ZNRF2: variants seen among roughly 807,000 people sequenced by gnomAD.
ZNRF2 encodes E3 ubiquitin-protein ligase ZNRF2.
ZNRF2 carries 16 observed loss-of-function variants against 20.4 expected under a neutral mutation model. The observed-to-expected ratio is 0.79, with a 90% CI of 0.53 to 1.19. The LOEUF (loss-of-function observed/expected upper bound fraction) is 1.19. Ranked by LOEUF, ZNRF2 falls within the 50% of genes most tolerant of loss-of-function variation. ZNRF2 has a pLI of 0.00. For missense variants in ZNRF2, 363 were observed against 332.4 expected, an observed-to-expected ratio of 1.09 and a Z score of -0.72; for synonymous variants, 178 against 144.9, an observed-to-expected ratio of 1.23 and a Z score of -1.64.
intron 1 of ZNRF2, among the ~76,000 whole-genome samples, chr7:30,289,411 C>T (rs1367285772): frequency 6.6e-6 from 1 of 152,176 alleles, no homozygotes; most frequent in African/African-American, 2.4e-5. Context: ...TCACTTCTTA[C>T]CAATATCAAG....
chr7:30,333,061 T>A (rs1799659963), intron 2 of ZNRF2, among the ~76,000 whole-genome samples: 1 of 151,570 alleles, frequency 6.6e-6, no homozygotes, highest in Admixed American at 6.6e-5. Context: ...TGACTTTTTT[T>A]TTTTTTTTTT....
chr7:30,310,031 G>C (rs562248920), intron 1 of ZNRF2, among the ~76,000 whole-genome samples: 53 of 152,276 alleles, frequency 3.5e-4, no homozygotes, highest in Middle Eastern at 6.8e-3. Context: ...GTGAGGTCAA[G>C]AGCAGATGCA....
At chr7:30,291,726 C>T (rs1437433427) in intron 1 of ZNRF2, among the ~76,000 whole-genome samples, 3 of 152,138 alleles carry the variant, frequency 2.0e-5, no homozygotes, top group Non-Finnish European at 2.9e-5. Context: ...TGGTTGGAAA[C>T]ATGAGTCTCT....
At chr7:30,357,505 A>G (rs1800059406) in intron 3 of ZNRF2, among the ~76,000 whole-genome samples, 1 of 152,212 alleles carries the variant, frequency 6.6e-6, no homozygotes, top group South Asian at 2.1e-4. Context: ...AGAAAGGCTG[A>G]AAACCCAATA....
At position 30,317,517 on chromosome 7, in the gene ZNRF2, A is replaced by T. The variant is rs186480168; in HGVS notation, c.470-6125A>T. 2.2e-4 allele frequency among the ~76,000 whole-genome samples: 33 copies of T among 152,362 alleles called. No individual in the cohort carries two copies. The East Asian group carries it at 5.0e-3, about 23-fold the overall frequency. ...TATTGGCTTAATCAAGAGCAAAGGC[A>T]TGGAGATGTAATGGGTATGTTCTAT... On this transcript the variant is annotated intron_variant, in intron 1 of 4. Coordinates refer to ENST00000323037, the MANE Select transcript of ZNRF2 (RefSeq NM_147128.4).
intron 2 of ZNRF2, among the ~76,000 whole-genome samples, chr7:30,346,918 G>A (rs1162307029): frequency 6.6e-6 from 1 of 152,026 alleles, no homozygotes; most frequent in African/African-American, 2.4e-5. Flanking sequence ...TTACTTACAT[G>A]ATATTTATTC....
At chr7:30,287,117 C>A (rs1252323662) in intron 1 of ZNRF2, among the ~76,000 whole-genome samples, 1 of 152,150 alleles carries the variant, frequency 6.6e-6, no homozygotes, top group Admixed American at 6.5e-5. Context: ...TAAAAATATT[C>A]ATCCCTCTTA....
chr7:30,304,590 A>T (rs1172574207), intron 1 of ZNRF2, among the ~76,000 whole-genome samples: 2 of 152,240 alleles, frequency 1.3e-5, no homozygotes, highest in Admixed American at 6.5e-5. Flanking sequence ...AGGTGCAACT[A>T]GCCATTGCTT....
Position 30,310,123 on chromosome 7 carries a change from G to A in ZNRF2, c.470-13519G>A, listed in dbSNP as rs78170774. Reference sequence around the variant, plus strand: ...GGTGTAGATGTCTAAAGAATTGGTTGAATCTGACAGATACTCAGGAGGTAA... The same window carrying A: ...GGTGTAGATGTCTAAAGAATTGGTTAAATCTGACAGATACTCAGGAGGTAA... On this transcript the variant is annotated intron_variant, in intron 1 of 4. Transcript: ENST00000323037. Among the ~76,000 whole-genome samples the A allele has an allele frequency of 4.1e-3, 622 of 151,280 alleles. 6 individuals carry two copies. The highest frequency in any genetic ancestry group is 0.014 in the African/African-American group (588 of 41,160).
chr7:30,345,073 T>A (rs2127953316), intron 2 of ZNRF2, among the ~76,000 whole-genome samples: 1 of 152,260 alleles, frequency 6.6e-6, no homozygotes. Context: ...TCTGGGTCAG[T>A]TTTTAGGACT....
intron 2 of ZNRF2, among the ~76,000 whole-genome samples, chr7:30,355,475 GTACTGTTTTTGCT>G (rs1402398658): frequency 6.6e-6 from 1 of 152,082 alleles, no homozygotes; most frequent in Non-Finnish European, 1.5e-5. Context: ...GGGTGATTCT[GTACTGTTTTTGCT>G]TACTGTAATG....
intron 2 of ZNRF2, among the ~76,000 whole-genome samples, chr7:30,324,495 G>A (rs34294791): frequency 0.088 from 13,366 of 151,160 alleles, 800 homozygotes; most frequent in Non-Finnish European, 0.13. Flanking sequence ...GTTGTAGTGA[G>A]CCGAGATTGT....
At chr7:30,295,050 A>AGAGAGGGTGTGT (rs1412764480) in intron 1 of ZNRF2, among the ~76,000 whole-genome samples, 1 of 38,238 alleles carries the variant, frequency 2.6e-5, no homozygotes, top group Admixed American at 2.7e-4. Context: ...AGAGAGAGAG[A>AGAGAGGGTGTGT]GTGTGTGTGT....
intron 1 of ZNRF2, among the ~76,000 whole-genome samples, chr7:30,313,421 A>C (rs1203640415): frequency 1.3e-5 from 2 of 152,114 alleles, no homozygotes; most frequent in Non-Finnish European, 2.9e-5. Context: ...TACATGTGAG[A>C]AGTTAGTGTC....
At chr7:30,295,871 A>T (rs367687875) in intron 1 of ZNRF2, among the ~76,000 whole-genome samples, 15 of 152,348 alleles carry the variant, frequency 9.8e-5, no homozygotes, top group African/African-American at 3.1e-4. Context: ...CTCCTCAGAA[A>T]GACCATGTGC....
chr7:30,355,560 A>G (rs1800023438), intron 2 of ZNRF2, among the ~76,000 whole-genome samples, 168 bp from the exon 3 acceptor site: 1 of 152,216 alleles, frequency 6.6e-6, no homozygotes, highest in South Asian at 2.1e-4. Flanking sequence ...TTATTCAGTC[A>G]TTTATGAATA....
At chr7:30,321,964 T>C (rs1799477223) in intron 1 of ZNRF2, among the ~76,000 whole-genome samples, 2 of 152,052 alleles carry the variant, frequency 1.3e-5, no homozygotes, top group Admixed American at 6.6e-5. Flanking sequence ...TCTAATCTTT[T>C]GGCTTCTGTG....
At chr7:30,324,371 TAAAAGAAAAAAA>T (rs1350915048) in intron 2 of ZNRF2, among the ~76,000 whole-genome samples, 15 of 138,160 alleles carry the variant, frequency 1.1e-4, no homozygotes, top group Admixed American at 8.0e-4. Flanking sequence ...CCATCTCTAC[TAAAAGAAAAAAA>T]AAAAGAAAAA....
At chr7:30,335,936 T>G (rs1183208275) in intron 2 of ZNRF2, among the ~76,000 whole-genome samples, 1 of 152,148 alleles carries the variant, frequency 6.6e-6, no homozygotes, top group Non-Finnish European at 1.5e-5. Context: ...AAGAGTGAGC[T>G]GTGTTTAGTG....
Sources: gnomAD v4.1 joint callset for allele counts (sites outside exome capture counted in the v4.1 genomes callset) on GRCh38, gnomAD v4.1.1 for gene constraint, MANE v1.5 for transcripts, NCBI Gene and HGNC (gene_info 2026-07-23, HGNC 2026-07-21) for gene names.